The following PDXDC1 variants were observed in gnomAD, a reference collection of about 807,000 sequenced individuals.
PDXDC1 encodes the protein pyridoxal dependent decarboxylase domain containing 1.
Under a neutral mutation model 100.1 loss-of-function variants are expected in PDXDC1, and 42 were observed. That is an observed-to-expected ratio of 0.42 (90% CI 0.33 to 0.54). PDXDC1 has a LOEUF of 0.54. PDXDC1 is among the 20% of genes least tolerant of loss of function. The pLI is 0.10. For missense variants in PDXDC1, 636 were observed against 979.2 expected (o/e 0.65, Z 4.68); for synonymous variants, 260 against 371.7 (o/e 0.70, Z 3.46).
intron 16 of PDXDC1, chr16:15,073,185 G>T (rs529237543): frequency 2.3e-6 from 3 of 1,309,784 alleles, no homozygotes; most frequent in East Asian, 4.7e-5. Context: ...ACATTATCCA[G>T]CCAAGCACAG....
chr16:15,062,136 G>C (rs192397130), intron 16 of PDXDC1, among the ~76,000 whole-genome samples: 3 of 152,202 alleles, frequency 2.0e-5, no homozygotes, highest in African/African-American at 7.2e-5. Context: ...GCAACATAGC[G>C]AGACCATGTC....
At chr16:14,985,605 G>A (rs1969190849) in intron 1 of PDXDC1, among the ~76,000 whole-genome samples, 1 of 152,266 alleles carries the variant, frequency 6.6e-6, no homozygotes, top group Non-Finnish European at 1.5e-5. Flanking sequence ...ATAATTTTCC[G>A]TTAGCTTTTT....
At chr16:15,126,039 AT>A (rs1000263531) in intron 16 of PDXDC1, 6,621 of 441,028 alleles carry the variant, frequency 0.015, no homozygotes, top group Middle Eastern at 0.02. Context: ...TTTCAATTTC[AT>A]TTTTTTTTTT....
intron 21 of PDXDC1, 112 bp from the exon 22 acceptor site, chr16:15,035,337 G>A: frequency 1.8e-6 from 1 of 561,736 alleles, no homozygotes; most frequent in Non-Finnish European, 3.2e-6. Context: ...GTCTGTGGCA[G>A]GCTCAGTGGC....
At chr16:14,984,447 G>T (rs1324514441) in intron 1 of PDXDC1, among the ~76,000 whole-genome samples, 1 of 141,918 alleles carries the variant, frequency 7.0e-6, no homozygotes, top group South Asian at 2.4e-4. Flanking sequence ...GAGAGAGAGA[G>T]AGAGAGAGTG....
At chr16:15,141,707 GGGT>G (rs1254040623), downstream of PDXDC1, among the ~76,000 whole-genome samples, 1 of 152,186 alleles carries the variant, frequency 6.6e-6, no homozygotes, top group Non-Finnish European at 1.5e-5. Flanking sequence ...CCATAAGGAT[GGGT>G]GGGCCCACAG....
At position 15,072,618 on chromosome 16, in the gene PDXDC1, C is replaced by T. The variant is rs910634451; in HGVS notation, c.1399+42562C>T. 5.9e-5 allele frequency among the ~76,000 whole-genome samples: 9 copies of T among 152,074 alleles called. 1 individual carries two copies. Among genetic ancestry groups the T allele is most frequent in the African/African-American group, 1.2e-4 (5 of 41,400 alleles). On this transcript the variant is annotated intron_variant, in intron 16 of 16. Transcript: ENST00000535621. ...AGGAGTTCAAGACCAGTATGGCCAA[C>T]GTGGCGAAACCCCACCTCTTCTAAA...
At chr16:14,980,575 T>TC (rs1334900390) in intron 1 of PDXDC1, among the ~76,000 whole-genome samples, 16 of 152,274 alleles carry the variant, frequency 1.1e-4, no homozygotes, top group Admixed American at 6.5e-5. Context: ...AAGCTCCACC[T>TC]CCCAGGTTCA....
At chr16:14,981,099 G>A (rs1967875299) in intron 1 of PDXDC1, among the ~76,000 whole-genome samples, 1 of 152,410 alleles carries the variant, frequency 6.6e-6, no homozygotes, top group East Asian at 1.9e-4. Context: ...TGAGTGCAAG[G>A]AGCAAGTGAC....
At chr16:15,041,236 C>A, downstream of PDXDC1, 3 of 741,680 alleles carry the variant, frequency 4.0e-6, no homozygotes, top group Middle Eastern at 3.2e-4. Flanking sequence ...GAGGAAAATT[C>A]CAGAAAATGA....
intron 11 of PDXDC1, 47 bp downstream of exon 11, chr16:15,017,469 TTA>T (rs748279694): frequency 4.5e-5 from 69 of 1,531,008 alleles, no homozygotes; most frequent in Middle Eastern, 1.7e-4. Flanking sequence ...CTAATACACA[TTA>T]TTGGCTTTGG....
chr16:15,054,845 GCAAA>G lies in PDXDC1; in HGVS notation c.1399+24794_1399+24797del, dbSNP rs1308280932. Among the ~76,000 whole-genome samples, 3 of 152,226 alleles carry G rather than the reference GCAAA, an allele frequency of 2.0e-5. No individual in the cohort carries two copies. In the East Asian group the frequency reaches 5.8e-4, roughly 29 times the overall value. On this transcript the variant is annotated intron_variant, in intron 16 of 16. Coordinates refer to the PDXDC1 transcript ENST00000535621. ...CGACAGACCAATAGAGAACAAACAA[GCAAA>G]CAAAATAATCACAAACTGTACAGCT...
chr16:15,088,433 A>G (rs1450599141), intron 16 of PDXDC1, among the ~76,000 whole-genome samples: 1 of 151,894 alleles, frequency 6.6e-6, no homozygotes, highest in East Asian at 1.9e-4. Context: ...GGCCCATTAC[A>G]CTCCAGCCCG....
chr16:15,081,755 C>A (rs118130971), intron 16 of PDXDC1, among the ~76,000 whole-genome samples: 1 of 152,148 alleles, frequency 6.6e-6, no homozygotes, highest in African/African-American at 2.4e-5. Context: ...CCTAAACCAA[C>A]ATCATGAAAA....
intron 16 of PDXDC1, chr16:15,094,454 G>T: frequency 1.7e-6 from 1 of 584,600 alleles, no homozygotes; most frequent in Non-Finnish European, 3.0e-6. Context: ...GTGAGTATAA[G>T]GAGAGACGGG....
intron 16 of PDXDC1, chr16:15,125,909 C>T: frequency 2.9e-6 from 2 of 681,368 alleles, no homozygotes; most frequent in East Asian, 2.7e-5. Flanking sequence ...CCGGTGCCAT[C>T]TGACAGAATG....
intron 12 of PDXDC1, among the ~76,000 whole-genome samples, chr16:15,021,899 C>G (rs1460745635): frequency 1.2e-4 from 19 of 152,278 alleles, no homozygotes; most frequent in Admixed American, 7.9e-4. Context: ...GTGTCAGGCA[C>G]CATGAAGTAC....
chr16:15,086,266 G>A (rs766553565), intron 16 of PDXDC1: 2 of 1,555,648 alleles, frequency 1.3e-6, no homozygotes, highest in East Asian at 2.3e-5. Flanking sequence ...TCTCTAGAGT[G>A]GGGGAAGAAA....
At chr16:15,068,439 T>C (rs2045074324) in intron 16 of PDXDC1, among the ~76,000 whole-genome samples, 2 of 152,204 alleles carry the variant, frequency 1.3e-5, no homozygotes, top group South Asian at 4.1e-4. Flanking sequence ...ACACAGTATA[T>C]GGCCCAGAAG....
Sources: gnomAD v4.1 joint callset for allele counts (sites outside exome capture counted in the v4.1 genomes callset) on GRCh38, gnomAD v4.1.1 for gene constraint, MANE v1.5 for transcripts, NCBI Gene and HGNC (gene_info 2026-07-23, HGNC 2026-07-21) for gene names.